The following HEATR4 variants were observed in gnomAD, a reference collection of about 807,000 sequenced individuals.
HEATR4 encodes HEAT repeat-containing protein 4.
Under a neutral mutation model 108.8 loss-of-function variants are expected in HEATR4, and 95 were observed. That is an observed-to-expected ratio of 0.87 (90% confidence interval 0.74 to 1.04). The LOEUF (loss-of-function observed/expected upper bound fraction) is 1.04, where lower values mean the gene tolerates loss of function less well. HEATR4 is among the 50% of genes least tolerant of loss of function. The pLI, the probability that HEATR4 is intolerant of heterozygous loss-of-function variation, is 0.00. For missense variants in HEATR4, 1,152 were observed against 1,253.8 expected (o/e 0.92, Z 1.23); for synonymous variants, 443 against 459.4 (o/e 0.96, Z 0.46).
At chr14:73,509,254 C>T (rs1295035956) in intron 8 of HEATR4, 58 bp downstream of exon 8, 1 of 1,510,988 alleles carries the variant, frequency 6.6e-7, no homozygotes, top group African/African-American at 1.4e-5. Flanking sequence ...ACTGGGAAAG[C>T]TGATAGTGAG....
chr14:73,478,877 C>A, intron 17 of HEATR4, 35 bp from the exon 18 acceptor site: 1 of 1,514,430 alleles, frequency 6.6e-7, no homozygotes, highest in South Asian at 1.2e-5. Context: ...GTGCATATGC[C>A]AAACGTGTCT....
intron 17 of HEATR4, 95 bp from the exon 18 acceptor site, chr14:73,478,937 T>C (rs1595070729): frequency 4.5e-6 from 4 of 879,720 alleles, no homozygotes. Flanking sequence ...ATAGGGTGTC[T>C]CCTTTTTTTT....
Position 73,478,660 on chromosome 14 carries a change from T to G in HEATR4, c.3027A>C (p.Thr1009=), listed in dbSNP as rs770036513. ...GAGAAGACATGATGGGAGAAAAAAATGTTCTCTCTGAGAATTTACCCAGAT... is the reference window on the plus strand; with the variant it reads ...GAGAAGACATGATGGGAGAAAAAAAGGTTCTCTCTGAGAATTTACCCAGAT... ...ALYLGKFSER[T]FFSPIMSSPS... is the part of the protein sequence containing the mutation. Residue 1009 remains threonine, a synonymous_variant, in exon 18 of 18, where the codon ACA becomes ACC. Transcript: ENST00000553558. 1 of 1,613,592 alleles carries G rather than the reference T, an allele frequency of 6.2e-7. No individual in the cohort carries two copies. The highest frequency in any genetic ancestry group is 2.2e-5 in the East Asian group (1 of 44,856).
At chr14:73,618,325 A>ATTT in the HEATR4 span, among the ~76,000 whole-genome samples, 16 of 151,816 alleles carry the variant, frequency 1.1e-4, no homozygotes, top group African/African-American at 3.2e-4. Flanking sequence ...GGCACCCCAG[A>ATTT]ATTCTCTGCC....
chr14:73,506,635 G>A lies in HEATR4; in HGVS notation c.1882-64C>T, dbSNP rs1224615964. On this transcript the variant is annotated intron_variant, in intron 9 of 17. Transcript: ENST00000553558. Reference sequence around the variant, plus strand: ...CTTTTAGAGATACTAGAACCTTGAAGTTACATTCTGAAATGGCATCCTGCA... The same window carrying A: ...CTTTTAGAGATACTAGAACCTTGAAATTACATTCTGAAATGGCATCCTGCA... 6.3e-6 allele frequency: 8 copies of A among 1,261,418 alleles called. No individual in the cohort carries two copies. In the Admixed American group the frequency reaches 8.6e-5, roughly 14 times the overall value. The allele number at this position is 1,261,418 out of a possible 1,614,324, so 78.1% of individuals were successfully genotyped here.
the HEATR4 span, among the ~76,000 whole-genome samples, chr14:73,620,835 T>C: frequency 2.6e-3 from 393 of 151,296 alleles, 3 homozygotes; most frequent in African/African-American, 8.5e-3. Flanking sequence ...CCCAAAGTGC[T>C]GGGATTACAG....
chr14:73,632,858 AAG>A, the HEATR4 span, among the ~76,000 whole-genome samples: 1,884 of 140,858 alleles, frequency 0.013, 77 homozygotes, highest in African/African-American at 0.045. Flanking sequence ...AAAAAAAAAA[AAG>A]AAGAAGAAGA....
At chr14:73,525,336 G>A (rs1182761949) in intron 2 of HEATR4, among the ~76,000 whole-genome samples, 1 of 152,046 alleles carries the variant, frequency 6.6e-6, no homozygotes, top group Non-Finnish European at 1.5e-5. Context: ...CTCAGCAAAG[G>A]CTCAACTTTC....
chr14:73,592,290 G>A, the HEATR4 span: 2 of 1,611,614 alleles, frequency 1.2e-6, no homozygotes, highest in Non-Finnish European at 1.7e-6. Flanking sequence ...GGTGCTGGAC[G>A]GCCACGACCC....
chr14:73,616,415 G>A, the HEATR4 span, among the ~76,000 whole-genome samples: 7 of 151,936 alleles, frequency 4.6e-5, no homozygotes, highest in African/African-American at 9.7e-5. Context: ...GTTTTAGGCC[G>A]GTTGCGGTGG....
chr14:73,508,344 C>A (rs770361708), intron 8 of HEATR4, 50 bp from the exon 9 acceptor site: 1 of 1,571,196 alleles, frequency 6.4e-7, no homozygotes, highest in East Asian at 2.2e-5. Flanking sequence ...TGTTTTCCCC[C>A]TAGAGAACAG....
the HEATR4 span, among the ~76,000 whole-genome samples, chr14:73,577,895 G>A: frequency 1.3e-3 from 197 of 151,858 alleles, 5 homozygotes; most frequent in Admixed American, 0.013. Flanking sequence ...CTGTTGCCCA[G>A]GCTGGAGTAC....
At chr14:73,493,153 G>A (rs1885897189) in intron 16 of HEATR4, 29 bp from the exon 17 acceptor site, 6 of 1,596,850 alleles carry the variant, frequency 3.8e-6, no homozygotes, top group African/African-American at 1.4e-5. Flanking sequence ...GGAGAAGTTG[G>A]AGGTGGAAAA....
the HEATR4 span, chr14:73,616,938 C>T: frequency 1.9e-3 from 1,121 of 595,738 alleles, 24 homozygotes; most frequent in South Asian, 0.023. Flanking sequence ...AACTTGTTTG[C>T]TTACTGTCTT....
At chr14:73,597,009 G>C in the HEATR4 span, among the ~76,000 whole-genome samples, 3 of 152,136 alleles carry the variant, frequency 2.0e-5, no homozygotes, top group Admixed American at 6.5e-5. Context: ...GTAAATGCCA[G>C]GCAGAATAAA....
At chr14:73,495,060 A>C (rs1566822751) in intron 16 of HEATR4, among the ~76,000 whole-genome samples, 168 bp downstream of exon 16, 1 of 86,874 alleles carries the variant, frequency 1.2e-5, no homozygotes, top group East Asian at 2.8e-4. Context: ...AAACAAACAA[A>C]CAAAAAAAAA....
chr14:73,625,613 G>C, the HEATR4 span, among the ~76,000 whole-genome samples: 1 of 152,034 alleles, frequency 6.6e-6, no homozygotes, highest in South Asian at 2.1e-4. Flanking sequence ...CACCAGCCTC[G>C]GCCTCCCAAA....
rs777660153 is a variant in HEATR4 at position 73,492,318 on chromosome 14, C to T, written c.2844+748G>A. The T allele has an allele frequency of 1.9e-6, 3 of 1,614,034 alleles. No individual in the cohort carries two copies. The highest frequency in any genetic ancestry group is 2.5e-6 in the Non-Finnish European group (3 of 1,179,892). On this transcript the variant is annotated intron_variant, in intron 17 of 17. Transcript: ENST00000553558. This position sits in a 1 kb window ranked among gnomAD's most constrained non-coding sequence, Gnocchi z 4.9. ...AATACCTGGGGTGACTTCTTAGAGG[C>T]CATACTGCCTCTGGCAGTGCAGGCT... is the stretch of plus-strand genomic sequence containing the variant.
In HEATR4 at chr14:73,491,694, A is replaced by G. The variant is rs576619865; in HGVS notation, c.2844+1372T>C. ...TTTTACCGGCGCCTATGGGAGCGCG[A>G]GGCGGTGCTGGTGCGGCGGCAGGAC... On this transcript the variant is annotated intron_variant, in intron 17 of 17. Coordinates refer to ENST00000553558, the MANE Select transcript of HEATR4 (RefSeq NM_001220484.1). The G allele has an allele frequency of 2.6e-6, 4 of 1,550,030 alleles. No individual in the cohort carries two copies. The African/African-American group carries it at 5.5e-5, about 21-fold the overall frequency.
Sources: gnomAD v4.1 joint callset for allele counts (sites outside exome capture counted in the v4.1 genomes callset) on GRCh38, gnomAD v4.1.1 for gene constraint, Gnocchi (gnomAD v3.1) non-coding constraint, MANE v1.5 for transcripts, NCBI Gene and HGNC (gene_info 2026-07-23, HGNC 2026-07-21) for gene names.